Variants in ABI1 observed in about 807,000 individuals in gnomAD.
The protein encoded by ABI1 is Abelson interactor 1.
Under a neutral mutation model 54.6 loss-of-function variants are expected in ABI1, and 14 were observed. That is an observed-to-expected ratio of 0.26 (90% confidence interval 0.17 to 0.40). ABI1 has a LOEUF of 0.40. ABI1 is among the 10% of genes least tolerant of loss of function. ABI1 has a pLI of 1.00. For missense variants in ABI1, 443 were observed against 598.3 expected, an observed-to-expected ratio of 0.74 and a Z score of 2.71; for synonymous variants, 194 against 209.3, an observed-to-expected ratio of 0.93 and a Z score of 0.63.
At chr10:26,833,372 G>C (rs1156409396) in intron 1 of ABI1, among the ~76,000 whole-genome samples, 1 of 152,036 alleles carries the variant, frequency 6.6e-6, no homozygotes, top group Non-Finnish European at 1.5e-5. Context: ...TAGATAATTA[G>C]CCTCTGAAAT....
intron 2 of ABI1, among the ~76,000 whole-genome samples, chr10:26,793,965 G>A (rs775347073): frequency 7.9e-5 from 12 of 152,124 alleles, no homozygotes; most frequent in African/African-American, 2.4e-4. Flanking sequence ...GGCAAGGGCC[G>A]GGTGCAGTGG....
At chr10:26,843,470 AAAAAAAAAAAAAAAAATAT>A (rs1216194774) in intron 1 of ABI1, among the ~76,000 whole-genome samples, 2 of 73,002 alleles carry the variant, frequency 2.7e-5, no homozygotes, top group African/African-American at 1.1e-4. Flanking sequence ...AAAAAAAAAA[AAAAAAAAAAAAAAAAATAT>A]ATATATATAT....
intron 2 of ABI1, among the ~76,000 whole-genome samples, chr10:26,821,671 C>T (rs190117035): frequency 8.9e-4 from 135 of 151,990 alleles, no homozygotes; most frequent in African/African-American, 2.9e-3. Flanking sequence ...TGGTGGCGAG[C>T]GCCTGTAATT....
At chr10:26,848,192 C>A (rs1202271280) in intron 1 of ABI1, among the ~76,000 whole-genome samples, 9 of 124,752 alleles carry the variant, frequency 7.2e-5, no homozygotes, top group African/African-American at 2.3e-4. Flanking sequence ...CAGAGCGAGA[C>A]CCTGTCTCAA....
At chr10:26,843,114 A>T (rs2134093476) in intron 1 of ABI1, among the ~76,000 whole-genome samples, 1 of 152,134 alleles carries the variant, frequency 6.6e-6, no homozygotes, top group African/African-American at 2.4e-5. Context: ...ATCCACAAAG[A>T]TAAAGGAAAA....
In ABI1 at chr10:26,748,579, A is replaced by G; in HGVS notation, c.1437T>C (p.Tyr479=). ...PGNYVESIMH[Y]TD The stretch of plus-strand genomic sequence containing the variant: ...AAAAGAAAAAAAAAAATTAATCAGT[A>G]TAGTGCATGATTGATTCAACATAGT... Residue 479 remains tyrosine (Y), a synonymous_variant, in exon 11 of 11, where the codon TAT becomes TAC. Transcript: ENST00000376140. The G allele has an allele frequency of 1.2e-6, 2 of 1,610,640 alleles. No homozygotes were observed. The highest frequency in any genetic ancestry group is 8.5e-7 in the Non-Finnish European group (1 of 1,178,786).
chr10:26,771,413 C>T (rs998099052), intron 3 of ABI1, among the ~76,000 whole-genome samples: 14 of 152,102 alleles, frequency 9.2e-5, no homozygotes, highest in Non-Finnish European at 1.6e-4. Context: ...TTTAAAAATA[C>T]GCTCATTTAA....
At chr10:26,852,718 T>G (rs1483888038) in intron 1 of ABI1, among the ~76,000 whole-genome samples, 1 of 152,138 alleles carries the variant, frequency 6.6e-6, no homozygotes, top group South Asian at 2.1e-4. Context: ...TAAAAATTAA[T>G]GATAAAGCAT....
At chr10:26,859,993 G>A (rs1287821529) in intron 1 of ABI1, among the ~76,000 whole-genome samples, 1 of 150,498 alleles carries the variant, frequency 6.6e-6, no homozygotes, top group African/African-American at 2.4e-5. Flanking sequence ...GATGAGAGGG[G>A]GAAAAAAATA....
intron 1 of ABI1, among the ~76,000 whole-genome samples, chr10:26,838,704 A>G (rs1448193165): frequency 6.6e-6 from 1 of 152,230 alleles, no homozygotes; most frequent in Non-Finnish European, 1.5e-5. Flanking sequence ...AAAGGAGACA[A>G]GGATTCTGTT....
At chr10:26,786,046 A>C (rs1481091880) in intron 2 of ABI1, among the ~76,000 whole-genome samples, 1 of 152,136 alleles carries the variant, frequency 6.6e-6, no homozygotes. Flanking sequence ...GCTTGCATGG[A>C]GGGCAAAATC....
intron 1 of ABI1, among the ~76,000 whole-genome samples, chr10:26,834,246 A>G (rs528602855): frequency 1.3e-5 from 2 of 152,232 alleles, no homozygotes; most frequent in East Asian, 3.9e-4. Context: ...ACAAAAAAGA[A>G]AAAAAATTAA....
intron 4 of ABI1, 179 bp from the exon 5 acceptor site, chr10:26,770,524 A>G (rs763450824): frequency 4.0e-6 from 3 of 752,976 alleles, no homozygotes; most frequent in Non-Finnish European, 7.3e-6. Flanking sequence ...TGGTCTTCCT[A>G]TTATTTTATG....
At chr10:26,761,648 A>G (rs1369277682) in intron 7 of ABI1, among the ~76,000 whole-genome samples, 2 of 122,730 alleles carry the variant, frequency 1.6e-5, no homozygotes, top group Non-Finnish European at 3.3e-5. Flanking sequence ...ATATATATAT[A>G]TATATATATA....
chr10:26,768,826 T>C (rs75653529), intron 6 of ABI1, 26 bp downstream of exon 6: 116,177 of 1,598,266 alleles, frequency 0.073, 4,656 homozygotes, highest in Middle Eastern at 0.13. Flanking sequence ...TTTAGAGATG[T>C]TGAGATACTC....
At chr10:26,855,224 G>A (rs1261097544) in intron 1 of ABI1, among the ~76,000 whole-genome samples, 1 of 152,218 alleles carries the variant, frequency 6.6e-6, no homozygotes, top group Non-Finnish European at 1.5e-5. Context: ...ATATAGGCAA[G>A]TCCCTAAATT....
chr10:26,835,146 T>C (rs1383347384), intron 1 of ABI1, among the ~76,000 whole-genome samples: 2 of 142,078 alleles, frequency 1.4e-5, no homozygotes, highest in Non-Finnish European at 3.1e-5. Context: ...CACCCCCAGT[T>C]AAAATGGCTT....
chr10:26,788,131 G>A (rs1318094091), intron 2 of ABI1, among the ~76,000 whole-genome samples: 2 of 152,146 alleles, frequency 1.3e-5, no homozygotes, highest in Non-Finnish European at 2.9e-5. Flanking sequence ...TAGTGAATAA[G>A]TCTCACGAGA....
chr10:26,842,969 G>A (rs917079887), intron 1 of ABI1, among the ~76,000 whole-genome samples: 11 of 151,678 alleles, frequency 7.3e-5, no homozygotes, highest in South Asian at 2.1e-4. Flanking sequence ...GCTTGAACCC[G>A]GGAGGAGGAG....
Sources: gnomAD v4.1 joint callset for allele counts (sites outside exome capture counted in the v4.1 genomes callset) on GRCh38, gnomAD v4.1.1 for gene constraint, MANE v1.5 for transcripts, NCBI Gene and HGNC (gene_info 2026-07-23, HGNC 2026-07-21) for gene names.